RAD50: variants seen among roughly 807,000 people sequenced by gnomAD.
The protein encoded by RAD50 is RAD50 double strand break repair protein.
RAD50 carries 132 observed loss-of-function variants against 168.8 expected under a neutral mutation model. That is an observed-to-expected ratio of 0.78 (90% CI 0.68 to 0.90). The LOEUF (loss-of-function observed/expected upper bound fraction) is 0.90. Among genes scored for constraint, RAD50 ranks in the 40% least tolerant of loss-of-function variants. The pLI is 0.00. For synonymous variants in RAD50, 525 were observed against 497.4 expected, an observed-to-expected ratio of 1.06 and a Z score of -0.74; for missense variants, 1,347 against 1,534.4, an observed-to-expected ratio of 0.88 and a Z score of 2.04.
rs746681057 is a variant in RAD50 at position 132,557,377 on chromosome 5, A to G, written c.53A>G (p.Glu18Gly). 3.7e-6 allele frequency: 6 copies of G among 1,613,978 alleles called. No homozygotes were observed. Among genetic ancestry groups the G allele is most frequent in the Non-Finnish European group, 3.4e-6 (4 of 1,179,886 alleles). Reference sequence around the variant, plus strand: ...CTGGGCGTGCGGAGTTTTGGAATAGAGGACAAAGATAAGCAAATTATCACT... The same window carrying G: ...CTGGGCGTGCGGAGTTTTGGAATAGGGGACAAAGATAAGCAAATTATCACT... ...SILGVRSFGI[E>G]DKDKQIITFF... Residue 18 changes from glutamate to glycine, a missense_variant, in exon 1 of 25, where the codon GAG becomes GGG. By Grantham distance (98) the Glu-to-Gly change is moderately conservative. Transcript: ENST00000378823.
intron 21 of RAD50, among the ~76,000 whole-genome samples, chr5:132,626,860 T>C (rs1751380184): frequency 6.6e-6 from 1 of 152,044 alleles, no homozygotes. Context: ...GCTACCATAG[T>C]GGCCCCCTGC....
chr5:132,590,860 T>C (rs1750685292), intron 9 of RAD50, among the ~76,000 whole-genome samples: 1 of 152,230 alleles, frequency 6.6e-6, no homozygotes, highest in Non-Finnish European at 1.5e-5. Context: ...TTATAGTTTC[T>C]ACATACCAGG....
At chr5:132,621,877 A>G (rs753014276) in intron 21 of RAD50, among the ~76,000 whole-genome samples, 28 of 151,924 alleles carry the variant, frequency 1.8e-4, no homozygotes, top group Non-Finnish European at 4.0e-4. Flanking sequence ...TGATCTGAGG[A>G]TTGATATCTT....
rs573505560 is a variant in RAD50 at position 132,564,867 on chromosome 5, G to A, written c.213+5500G>A. Among the ~76,000 whole-genome samples, 5 of 152,302 alleles carry A rather than the reference G, an allele frequency of 3.3e-5. No homozygotes were observed. In the South Asian group the frequency reaches 1.0e-3, roughly 32 times the overall value. ...GCTGCTGCTCCAGAGGCTGCAAGCTGTAAGCCTTGGCAGCTTCCACATGGT... is the reference window on the plus strand; with the variant it reads ...GCTGCTGCTCCAGAGGCTGCAAGCTATAAGCCTTGGCAGCTTCCACATGGT... On this transcript the variant is annotated intron_variant, in intron 2 of 24. Coordinates refer to ENST00000378823, the MANE Select transcript of RAD50 (RefSeq NM_005732.4).
chr5:132,627,138 C>G (rs934509583), intron 21 of RAD50, among the ~76,000 whole-genome samples: 2 of 152,180 alleles, frequency 1.3e-5, no homozygotes. Flanking sequence ...TCCTCAGCCT[C>G]CCAAAGTGCT....
In RAD50 at chr5:132,635,670, C is replaced by CTT. The variant is rs551585773; in HGVS notation, c.3390-1444_3390-1443dup. Among the ~76,000 whole-genome samples the CTT allele has an allele frequency of 7.6e-3, 1,151 of 152,292 alleles. 15 individuals are homozygous for CTT. The highest frequency in any genetic ancestry group is 0.025 in the African/African-American group (1,056 of 41,556). ...GGAGCTTGTTCTCCACATTAGAATGCTTATGTTAGTTTTTGAAGATTTTTA... is the reference window on the plus strand; with the variant it reads ...GGAGCTTGTTCTCCACATTAGAATGCTTTTATGTTAGTTTTTGAAGATTTTTA... On this transcript the variant is annotated intron_variant, in intron 21 of 24. Coordinates refer to ENST00000378823, the MANE Select transcript of RAD50 (RefSeq NM_005732.4).
At chr5:132,559,052 A>AT (rs1031604132) in intron 1 of RAD50, among the ~76,000 whole-genome samples, 10 of 152,160 alleles carry the variant, frequency 6.6e-5, no homozygotes, top group South Asian at 2.1e-4. Context: ...GAAAATAATT[A>AT]TTTTTTTCCC....
chr5:132,616,317 A>G (rs775233977), intron 20 of RAD50, among the ~76,000 whole-genome samples, 187 bp downstream of exon 20: 1 of 152,212 alleles, frequency 6.6e-6, no homozygotes, highest in African/African-American at 2.4e-5. Flanking sequence ...TGAAGAAGTG[A>G]TATAGAATTG....
At chr5:132,597,655 C>T (rs556916851) in intron 13 of RAD50, among the ~76,000 whole-genome samples, 1 of 152,332 alleles carries the variant, frequency 6.6e-6, no homozygotes, top group Admixed American at 6.5e-5. Context: ...GCAGTCCTGG[C>T]TGACAGCTTG....
chr5:132,601,114 A>G (rs1049396052), intron 13 of RAD50, among the ~76,000 whole-genome samples: 1 of 152,296 alleles, frequency 6.6e-6, no homozygotes, highest in Middle Eastern at 3.4e-3. Flanking sequence ...CTCTTGCCTC[A>G]GCTTCCCAAG....
intron 1 of RAD50, 44 bp from the exon 2 acceptor site, chr5:132,559,238 CTG>C (rs778827347): frequency 1.3e-6 from 2 of 1,528,904 alleles, no homozygotes; most frequent in South Asian, 2.4e-5. Context: ...TGGTAAACTT[CTG>C]TGGTTCTCTT....
chr5:132,589,523 G>T (rs185372398), intron 8 of RAD50, 108 bp from the exon 9 acceptor site: 14 of 845,094 alleles, frequency 1.7e-5, no homozygotes, highest in Non-Finnish European at 2.5e-5. Flanking sequence ...AGCAACACAC[G>T]ACTGTACTTT....
chr5:132,623,137 TTC>T (rs1451551938), intron 21 of RAD50, among the ~76,000 whole-genome samples: 1 of 152,198 alleles, frequency 6.6e-6, no homozygotes, highest in Non-Finnish European at 1.5e-5. Context: ...ATCCTTCATC[TTC>T]TGTCCTGGAT....
chr5:132,586,088 A>G (rs2149839975), intron 5 of RAD50, among the ~76,000 whole-genome samples: 1 of 152,280 alleles, frequency 6.6e-6, no homozygotes, highest in East Asian at 1.9e-4. Flanking sequence ...AATATTCTTC[A>G]GTGTTTTCCT....
At chr5:132,606,339 A>G (rs1165566316) in intron 16 of RAD50, among the ~76,000 whole-genome samples, 1 of 152,112 alleles carries the variant, frequency 6.6e-6, no homozygotes, top group East Asian at 1.9e-4. Context: ...AGAATACTAT[A>G]AACACCTCTA....
rs1580992200 is a variant in RAD50, at chr5:132,588,002, T to C, written c.964T>C (p.Leu322=). 1 of 1,611,568 alleles carries C rather than the reference T, an allele frequency of 6.2e-7. No homozygotes were observed. ...AACAGTAAGGGAGAAAGAAAGGAAA[T>C]TGGTAGACTGTCATCGTGAACTGGA... ...QRTVREKERK[L]VDCHRELEKL... is the part of the protein sequence containing the mutation. Residue 322 remains leucine, a synonymous_variant, in exon 7 of 25, where the codon TTG becomes CTG. Coordinates refer to ENST00000378823, the MANE Select transcript of RAD50 (RefSeq NM_005732.4).
chr5:132,608,640 T>C lies in RAD50; in HGVS notation c.2744T>C (p.Leu915Ser). The C allele has an allele frequency of 6.3e-7, 1 of 1,596,416 alleles. No individual in the cohort carries two copies. The highest frequency in any genetic ancestry group is 2.3e-5 in the East Asian group (1 of 43,590). Reference sequence around the variant, plus strand: ...GATGCTAAAGAGCAGGTAAGCCCTTTGGAAACAACATTGGAAAAGTTCCAG... The same window carrying C: ...GATGCTAAAGAGCAGGTAAGCCCTTCGGAAACAACATTGGAAAAGTTCCAG... Reference protein sequence around the residue: ...IKDAKEQVSPLETTLEKFQQE... With the variant: ...IKDAKEQVSPSETTLEKFQQE... Residue 915 changes from leucine to serine, a missense_variant, in exon 17 of 25, where the codon TTG (leucine) becomes TCG (serine). Around this residue, in one of 3 missense-constraint regions of RAD50, gnomAD observed 635 missense variants for 739.2 expected, o/e 0.86. Coordinates refer to ENST00000378823, the MANE Select transcript of RAD50 (RefSeq NM_005732.4).
At chr5:132,587,089 T>C (rs187283309) in intron 5 of RAD50, among the ~76,000 whole-genome samples, 140 of 152,298 alleles carry the variant, frequency 9.2e-4, no homozygotes, top group African/African-American at 2.9e-3. Flanking sequence ...TGTTGTACTT[T>C]ACTTGCTCAG....
At chr5:132,605,595 G>A (rs745918774) in intron 16 of RAD50, among the ~76,000 whole-genome samples, 11 of 152,072 alleles carry the variant, frequency 7.2e-5, no homozygotes, top group Non-Finnish European at 1.3e-4. Flanking sequence ...TGCAGCCTTG[G>A]CCTCCCAAAA....
Sources: allele counts gnomAD v4.1 joint callset (sites outside exome capture counted in the v4.1 genomes callset), GRCh38; gene constraint gnomAD v4.1.1; regional missense constraint gnomAD v4.1.1; transcripts MANE v1.5; gene names NCBI Gene and HGNC (gene_info 2026-07-23, HGNC 2026-07-21).